SEC14L4: variants seen among roughly 807,000 people sequenced by gnomAD.
SEC14L4 encodes the protein SEC14-like protein 4.
SEC14L4 carries 42 observed loss-of-function variants against 55.1 expected under a neutral mutation model. The ratio of observed to expected loss-of-function variants is 0.76; its 90% CI spans 0.60 to 0.99. SEC14L4 has a LOEUF of 0.99. Among genes scored for constraint, SEC14L4 ranks in the 50% least tolerant of loss-of-function variants. The pLI is 0.00. For missense variants in SEC14L4, 445 were observed against 512.1 expected (o/e 0.87, Z 1.27); for synonymous variants, 206 against 206.8 (o/e 1.00, Z 0.03).
At chr22:30,505,273 G>A (rs1411447557) in intron 1 of SEC14L4, among the ~76,000 whole-genome samples, 2 of 152,150 alleles carry the variant, frequency 1.3e-5, no homozygotes, top group Non-Finnish European at 2.9e-5. Flanking sequence ...GGATGGCAGC[G>A]CCACTCCCTC....
chr22:30,489,621 G>C lies in SEC14L4; in HGVS notation c.*486C>G, dbSNP rs1450720545. 1.7e-6 allele frequency: 1 copy of C among 585,100 alleles called. No individual in the cohort carries two copies. Among genetic ancestry groups the C allele is most frequent in the Non-Finnish European group, 3.0e-6 (1 of 328,634 alleles). The allele number at this position is 585,100 out of a possible 1,614,324, so 36.2% of individuals were successfully genotyped here. A position where few individuals can be genotyped will look rare whatever the true frequency, so the allele number is the denominator to read the frequency against. On this transcript the variant is annotated 3_prime_UTR_variant, in exon 12 of 12. Coordinates refer to ENST00000255858, the MANE Select transcript of SEC14L4 (RefSeq NM_174977.4). ...CTGCTGGAACCAGGACCCTCACCCAGCTGCCTCCAGCTGGGCCTGCCCACC... is the reference window on the plus strand; with the variant it reads ...CTGCTGGAACCAGGACCCTCACCCACCTGCCTCCAGCTGGGCCTGCCCACC...
intron 2 of SEC14L4, among the ~76,000 whole-genome samples, chr22:30,496,813 A>G (rs938168037): frequency 6.6e-6 from 1 of 152,236 alleles, no homozygotes; most frequent in Non-Finnish European, 1.5e-5. Flanking sequence ...GTAGGTTCTC[A>G]ATAAACAGTA....
chr22:30,490,400 A>G, intron 11 of SEC14L4, 154 bp from the exon 12 acceptor site: 2 of 1,284,132 alleles, frequency 1.6e-6, no homozygotes, highest in Non-Finnish European at 2.1e-6. Context: ...GCTGTCCAGG[A>G]CAGTGGGTGG....
intron 2 of SEC14L4, 131 bp from the exon 3 acceptor site, chr22:30,496,102 G>T (rs1318946404): frequency 8.9e-6 from 6 of 670,510 alleles, no homozygotes; most frequent in Non-Finnish European, 5.1e-6. Flanking sequence ...TGAACATCTA[G>T]AAATGGTTGT....
chr22:30,498,124 CTT>C (rs869157636), intron 2 of SEC14L4, among the ~76,000 whole-genome samples: 2 of 98,364 alleles, frequency 2.0e-5, no homozygotes, highest in African/African-American at 4.2e-5. Flanking sequence ...TTTTCATTAT[CTT>C]TTTTTTTTTT....
intron 1 of SEC14L4, among the ~76,000 whole-genome samples, chr22:30,504,574 C>T (rs937910528): frequency 2.0e-5 from 3 of 152,146 alleles, no homozygotes; most frequent in East Asian, 1.9e-4. Flanking sequence ...GCAGGCTTGG[C>T]TCCGAGCAGG....
In SEC14L4 at chr22:30,491,949, T is replaced by A; in HGVS notation, c.796A>T (p.Lys266Ter). Residue 266 changes from lysine to a stop codon, truncating the protein, a stop_gained, in exon 10 of 12, where the codon AAG (lysine) becomes TAG (stop). Transcript: ENST00000255858. LOFTEE classifies it high-confidence loss of function. Reference protein sequence around the residue: ...TKINYGGEVPKSYYLCEQVRL... With the variant: ...TKINYGGEVP ...ACCTGCTCGCACAGGTAGTAGCTCTTGGGCACCTCACCCCCATAGTTGATC... is the reference window on the plus strand; with the variant it reads ...ACCTGCTCGCACAGGTAGTAGCTCTAGGGCACCTCACCCCCATAGTTGATC... The A allele has an allele frequency of 6.2e-7, 1 of 1,613,990 alleles. No homozygotes were observed. Among genetic ancestry groups the A allele is most frequent in the East Asian group, 2.2e-5 (1 of 44,882 alleles).
chr22:30,494,050 C>T (rs1417231983), intron 7 of SEC14L4, 100 bp downstream of exon 7: 9 of 886,132 alleles, frequency 1.0e-5, no homozygotes, highest in Non-Finnish European at 1.7e-5. Context: ...TGGTTCTTCA[C>T]AAAGGATGGG....
At chr22:30,503,783 AG>A in intron 1 of SEC14L4, 31 bp from the exon 2 acceptor site, 1 of 1,600,718 alleles carries the variant, frequency 6.2e-7, no homozygotes. Flanking sequence ...TGGTCGGCGG[AG>A]CTCTCATGAC....
At chr22:30,497,570 T>A (rs1936191683) in intron 2 of SEC14L4, among the ~76,000 whole-genome samples, 1 of 151,530 alleles carries the variant, frequency 6.6e-6, no homozygotes, top group South Asian at 2.1e-4. Flanking sequence ...AGCTCAGCCT[T>A]GATTATCTCC....
intron 8 of SEC14L4, 149 bp downstream of exon 8, chr22:30,492,325 C>G: frequency 8.7e-7 from 1 of 1,145,714 alleles, no homozygotes; most frequent in South Asian, 1.3e-5. Flanking sequence ...GGTCTAGGAC[C>G]CAAGGCATTG....
intron 11 of SEC14L4, among the ~76,000 whole-genome samples, chr22:30,490,620 C>A (rs964678787): frequency 2.0e-5 from 3 of 152,198 alleles, no homozygotes; most frequent in Non-Finnish European, 2.9e-5. Context: ...TGCGTCCTCG[C>A]CTAGTTGCGG....
chr22:30,491,744 T>C lies in SEC14L4; in HGVS notation c.912-2A>G. ...CCACCATCTGAAGCAAACTGCCACC[T>C]GCAGTGGATAGAGCCCCATTGGCGA... On this transcript the variant is annotated splice_acceptor_variant, in intron 10 of 11. Transcript: ENST00000255858. LOFTEE classifies it high-confidence loss of function. 6.2e-7 allele frequency: 1 copy of C among 1,614,108 alleles called. No homozygotes were observed. The highest frequency in any genetic ancestry group is 8.5e-7 in the Non-Finnish European group (1 of 1,179,970).
intron 11 of SEC14L4, 34 bp downstream of exon 11, chr22:30,491,539 G>A (rs1052066190): frequency 5.6e-6 from 9 of 1,612,652 alleles, no homozygotes; most frequent in Non-Finnish European, 7.6e-6. Context: ...AGACTGGCAG[G>A]GAAAACAATT....
At chr22:30,495,745 G>A (rs1936127455) in intron 3 of SEC14L4, 103 bp from the exon 4 acceptor site, 1 of 1,608,574 alleles carries the variant, frequency 6.2e-7, no homozygotes, top group Admixed American at 1.7e-5. Context: ...AGCATACCCA[G>A]GCTCTCAGAG....
intron 2 of SEC14L4, among the ~76,000 whole-genome samples, chr22:30,496,420 GA>G (rs1289052018): frequency 4.6e-5 from 7 of 152,136 alleles, no homozygotes; most frequent in Non-Finnish European, 1.0e-4. Flanking sequence ...CTCTGTGCCT[GA>G]CCTAGAAATG....
chr22:30,502,454 C>T (rs1471122437), intron 2 of SEC14L4, among the ~76,000 whole-genome samples: 2 of 152,190 alleles, frequency 1.3e-5, no homozygotes, highest in Non-Finnish European at 2.9e-5. Context: ...GTATGCTTTC[C>T]GGGCTGACTC....
chr22:30,501,601 G>T (rs879628775), intron 2 of SEC14L4, among the ~76,000 whole-genome samples: 1 of 151,988 alleles, frequency 6.6e-6, no homozygotes, highest in African/African-American at 2.4e-5. Flanking sequence ...ATCCTGGATG[G>T]GATCCTGGAA....
At chr22:30,496,691 C>G (rs1414821646) in intron 2 of SEC14L4, among the ~76,000 whole-genome samples, 1 of 152,154 alleles carries the variant, frequency 6.6e-6, no homozygotes. Context: ...CACTTACCTT[C>G]TCTGAGCCTT....
Sources: gnomAD v4.1 joint callset for allele counts (sites outside exome capture counted in the v4.1 genomes callset) on GRCh38, gnomAD v4.1.1 for gene constraint, MANE v1.5 for transcripts, NCBI Gene and HGNC (gene_info 2026-07-23, HGNC 2026-07-21) for gene names.